The following ANKRD55 variants were observed in gnomAD, a reference collection of about 807,000 sequenced individuals.
The protein encoded by ANKRD55 is ankyrin repeat domain 55.
A neutral mutation model predicts 60.6 loss-of-function variants in ANKRD55; 41 were observed. That is an observed-to-expected ratio of 0.68 (90% confidence interval 0.53 to 0.88). The LOEUF is 0.88. Ranked by LOEUF, ANKRD55 falls within the 40% of genes least tolerant of loss-of-function variation. The pLI, the probability that ANKRD55 is intolerant of heterozygous loss-of-function variation, is 0.00. For synonymous variants in ANKRD55, 264 were observed against 290.3 expected (o/e 0.91, Z 0.92); for missense variants, 732 against 767.6 (o/e 0.95, Z 0.55).
At chr5:56,100,652 T>G (rs1423032185) in intron 11 of ANKRD55, among the ~76,000 whole-genome samples, 5 of 152,242 alleles carry the variant, frequency 3.3e-5, no homozygotes, top group Non-Finnish European at 7.3e-5. Flanking sequence ...ACATTTGTAC[T>G]GTGCTTTTAT....
chr5:56,111,062 C>T (rs868412404), intron 10 of ANKRD55, 56 bp downstream of exon 10: 17 of 1,554,390 alleles, frequency 1.1e-5, no homozygotes, highest in Middle Eastern at 1.7e-4. Flanking sequence ...TAAAACTGTA[C>T]GGGACATTTC....
At chr5:56,147,525 T>C (rs1359866923) in intron 6 of ANKRD55, among the ~76,000 whole-genome samples, 1 of 152,186 alleles carries the variant, frequency 6.6e-6, no homozygotes, top group Non-Finnish European at 1.5e-5. Context: ...ATAAGATATA[T>C]ACACATACAT....
chr5:56,130,985 CTG>C (rs1222749490), intron 7 of ANKRD55, among the ~76,000 whole-genome samples: 1 of 151,920 alleles, frequency 6.6e-6, no homozygotes, highest in African/African-American at 2.4e-5. Flanking sequence ...TATTCACAGA[CTG>C]TGAGAGAACT....
chr5:56,232,074 T>C (rs1402527124), intron 2 of ANKRD55, among the ~76,000 whole-genome samples: 1 of 152,240 alleles, frequency 6.6e-6, no homozygotes, highest in African/African-American at 2.4e-5. Context: ...TTATTATGTT[T>C]ATAAAATGGA....
At chr5:56,178,149 T>A (rs1758776589) in intron 3 of ANKRD55, among the ~76,000 whole-genome samples, 1 of 152,030 alleles carries the variant, frequency 6.6e-6, no homozygotes, top group African/African-American at 2.4e-5. Flanking sequence ...AAACAGCAAT[T>A]CTGAAATGCA....
At chr5:56,200,775 G>A (rs914116522) in intron 2 of ANKRD55, among the ~76,000 whole-genome samples, 6 of 152,154 alleles carry the variant, frequency 3.9e-5, no homozygotes, top group African/African-American at 1.4e-4. Context: ...AATTTCAAGA[G>A]CTCAGACCAG....
At chr5:56,107,744 G>A (rs161203) in intron 10 of ANKRD55, among the ~76,000 whole-genome samples, 32,439 of 151,988 alleles carry the variant, frequency 0.21, 3,999 homozygotes, top group Middle Eastern at 0.35. Context: ...TCAGCCCCTC[G>A]AGGAGAGAAG....
chr5:56,221,610 G>A (rs1759968704), intron 2 of ANKRD55, among the ~76,000 whole-genome samples: 2 of 152,198 alleles, frequency 1.3e-5, no homozygotes, highest in Admixed American at 1.3e-4. Flanking sequence ...GGGAAGCAGT[G>A]ACAGATGGCA....
intron 2 of ANKRD55, among the ~76,000 whole-genome samples, chr5:56,190,298 T>C (rs528761214): frequency 1.3e-5 from 2 of 152,380 alleles, no homozygotes; most frequent in South Asian, 2.1e-4. Context: ...CTGTTGATAG[T>C]GTCCTTTGAT....
At chr5:56,141,382 A>G (rs1382202436) in intron 7 of ANKRD55, among the ~76,000 whole-genome samples, 1 of 152,076 alleles carries the variant, frequency 6.6e-6, no homozygotes, top group East Asian at 1.9e-4. Context: ...GATTATAGGC[A>G]CATGCCATTA....
At chr5:56,216,989 C>T (rs145744893) in intron 2 of ANKRD55, among the ~76,000 whole-genome samples, 4 of 152,200 alleles carry the variant, frequency 2.6e-5, no homozygotes, top group Admixed American at 2.0e-4. Context: ...CCACCTAGGA[C>T]TTTCATAGCT....
chr5:56,228,512 G>A (rs1422771424), intron 2 of ANKRD55, among the ~76,000 whole-genome samples: 2 of 150,798 alleles, frequency 1.3e-5, no homozygotes, highest in Non-Finnish European at 2.9e-5. Flanking sequence ...TGCAACCTCC[G>A]CCTCCTGAGT....
At chr5:56,106,526 C>T (rs538832011) in intron 10 of ANKRD55, among the ~76,000 whole-genome samples, 4 of 149,788 alleles carry the variant, frequency 2.7e-5, no homozygotes, top group East Asian at 2.0e-4. Flanking sequence ...TGAGTTCAAG[C>T]GATTCTCCCA....
At chr5:56,166,128 TTC>T (rs1418259079) in intron 5 of ANKRD55, among the ~76,000 whole-genome samples, 1 of 97,632 alleles carries the variant, frequency 1.0e-5, no homozygotes, top group African/African-American at 5.2e-5. Context: ...CTTTCTTTCT[TTC>T]TTTCTTTCTT....
intron 2 of ANKRD55, among the ~76,000 whole-genome samples, chr5:56,191,562 G>C (rs925563486): frequency 6.6e-6 from 1 of 152,202 alleles, no homozygotes; most frequent in Non-Finnish European, 1.5e-5. Flanking sequence ...GTGGGTGAGA[G>C]TGACAGAGAG....
intron 2 of ANKRD55, among the ~76,000 whole-genome samples, chr5:56,203,413 T>C (rs1759425608): frequency 6.6e-6 from 1 of 152,116 alleles, no homozygotes; most frequent in African/African-American, 2.4e-5. Context: ...TAGTTACATA[T>C]GTATACATGT....
At chr5:56,142,029 G>T (rs1757783767) in intron 7 of ANKRD55, among the ~76,000 whole-genome samples, 2 of 152,238 alleles carry the variant, frequency 1.3e-5, no homozygotes, top group African/African-American at 4.8e-5. Context: ...CCTCTTAAAG[G>T]ATAAGAACAG....
chr5:56,203,471 A>G (rs1042353854), intron 2 of ANKRD55, among the ~76,000 whole-genome samples: 1 of 151,994 alleles, frequency 6.6e-6, no homozygotes, highest in African/African-American at 2.4e-5. Context: ...AGCATTAGGT[A>G]TATCTCCTAA....
chr5:56,222,355 C>A (rs971271443), intron 2 of ANKRD55, among the ~76,000 whole-genome samples: 6 of 152,172 alleles, frequency 3.9e-5, no homozygotes, highest in African/African-American at 1.4e-4. Flanking sequence ...ATGTCACCAT[C>A]ATCAAAGACC....
Sources: allele counts gnomAD v4.1 joint callset (sites outside exome capture counted in the v4.1 genomes callset), GRCh38; gene constraint gnomAD v4.1.1; transcripts MANE v1.5; gene names NCBI Gene and HGNC (gene_info 2026-07-23, HGNC 2026-07-21).